The following ZRANB3 variants were observed in gnomAD, a reference collection of about 807,000 sequenced individuals.
The protein encoded by ZRANB3 is DNA annealing helicase and endonuclease ZRANB3.
ZRANB3 carries 125 observed loss-of-function variants against 133.8 expected under a neutral mutation model. The ratio of observed to expected loss-of-function variants is 0.93; its 90% CI spans 0.81 to 1.08. ZRANB3 has a LOEUF of 1.08. Ranked by LOEUF, ZRANB3 falls within the 50% of genes least tolerant of loss-of-function variation. ZRANB3 has a pLI of 0.00. For synonymous variants in ZRANB3, 387 were observed against 432.7 expected, an observed-to-expected ratio of 0.89 and a Z score of 1.31; for missense variants, 1,229 against 1,275.5, an observed-to-expected ratio of 0.96 and a Z score of 0.56.
At chr2:135,384,754 C>T (rs1686884333) in intron 3 of ZRANB3, among the ~76,000 whole-genome samples, 1 of 152,190 alleles carries the variant, frequency 6.6e-6, no homozygotes, top group Non-Finnish European at 1.5e-5. Flanking sequence ...ACATGATTAT[C>T]TCAATAGATG....
intron 6 of ZRANB3, among the ~76,000 whole-genome samples, chr2:135,334,699 T>C (rs927868972): frequency 6.6e-6 from 1 of 151,790 alleles, no homozygotes; most frequent in African/African-American, 2.4e-5. Context: ...ATCGAGACCA[T>C]CCTGGCTAAC....
At chr2:135,511,596 A>G in intron 1 of ZRANB3, 1 of 843,828 alleles carries the variant, frequency 1.2e-6, no homozygotes, top group Non-Finnish European at 2.1e-6. Flanking sequence ...CAGACCCCTC[A>G]GGAGCAAGTA....
At chr2:135,373,884 T>A (rs934900538) in intron 3 of ZRANB3, among the ~76,000 whole-genome samples, 4 of 147,016 alleles carry the variant, frequency 2.7e-5, no homozygotes, top group Admixed American at 2.1e-4. Context: ...GCAAGAAAAC[T>A]AACATTTGTT....
At chr2:135,344,573 TAA>T (rs1422885651) in intron 6 of ZRANB3, among the ~76,000 whole-genome samples, 2 of 151,874 alleles carry the variant, frequency 1.3e-5, no homozygotes, top group Admixed American at 1.3e-4. Context: ...CCATCTCTAG[TAA>T]AAATAACAAA....
At chr2:135,286,753 G>A (rs1164814879) in intron 8 of ZRANB3, among the ~76,000 whole-genome samples, 4 of 151,900 alleles carry the variant, frequency 2.6e-5, no homozygotes, top group Non-Finnish European at 5.9e-5. Flanking sequence ...CCCACTTTTT[G>A]ATGGGATTAT....
intron 2 of ZRANB3, among the ~76,000 whole-genome samples, chr2:135,407,976 G>T (rs1030586509): frequency 1.3e-5 from 2 of 151,478 alleles, no homozygotes; most frequent in African/African-American, 4.9e-5. Flanking sequence ...TGTCAAATGG[G>T]ATCTAATTAA....
At chr2:135,282,023 C>T (rs1332203117) in intron 8 of ZRANB3, among the ~76,000 whole-genome samples, 4 of 152,304 alleles carry the variant, frequency 2.6e-5, no homozygotes, top group Non-Finnish European at 2.9e-5. Context: ...TTGTAGCATA[C>T]ATCAGCACTT....
chr2:135,483,050 T>C (rs1178819696), intron 2 of ZRANB3, among the ~76,000 whole-genome samples: 6 of 152,152 alleles, frequency 3.9e-5, no homozygotes, highest in Admixed American at 3.9e-4. Flanking sequence ...TGCATCAATG[T>C]TCATCAAGGA....
At chr2:135,341,823 G>T (rs1047253392) in intron 6 of ZRANB3, among the ~76,000 whole-genome samples, 1 of 149,932 alleles carries the variant, frequency 6.7e-6, no homozygotes, top group Admixed American at 6.6e-5. Flanking sequence ...CTCCTGCAGC[G>T]CCCCCAGGCT....
intron 12 of ZRANB3, among the ~76,000 whole-genome samples, chr2:135,238,496 T>G (rs1695408015): frequency 6.6e-6 from 1 of 151,672 alleles, no homozygotes; most frequent in Non-Finnish European, 1.5e-5. Context: ...CGAAAGTAGC[T>G]GGGATTACAG....
At chr2:135,204,639 CAA>C (rs1048256026) in intron 19 of ZRANB3, among the ~76,000 whole-genome samples, 2 of 80,256 alleles carry the variant, frequency 2.5e-5, no homozygotes, top group African/African-American at 1.2e-4. Context: ...GACCCAATCT[CAA>C]AAAAAAAAAA....
At chr2:135,491,113 A>G (rs1442767276) in intron 2 of ZRANB3, among the ~76,000 whole-genome samples, 1 of 152,190 alleles carries the variant, frequency 6.6e-6, no homozygotes, top group African/African-American at 2.4e-5. Flanking sequence ...TCTATTGTAC[A>G]TTTCAAAATA....
At chr2:135,487,765 G>A (rs925735905) in intron 2 of ZRANB3, among the ~76,000 whole-genome samples, 1 of 152,158 alleles carries the variant, frequency 6.6e-6, no homozygotes, top group African/African-American at 2.4e-5. Context: ...TTTGGTATAC[G>A]GGAATGTTGT....
chr2:135,228,005 T>C lies in ZRANB3; in HGVS notation c.1965A>G (p.Ile655Met). ...TATCCTGGATATGGTTGAGGCTATC[T>C]ATTTGCATAACTATTAAAATAAAAA... ...ETPQGSAVMQ[I>M]DSLNHIQDKN... Residue 655 changes from isoleucine (I) to methionine (M), a missense_variant, in exon 14 of 21, where the codon ATA (isoleucine) becomes ATG (methionine). Ile to Met is a conservative substitution (Grantham distance 10). Transcript: ENST00000264159. 3 of 1,536,274 alleles carry C rather than the reference T, an allele frequency of 2.0e-6. No homozygotes were observed. Among genetic ancestry groups the C allele is most frequent in the Non-Finnish European group, 2.6e-6 (3 of 1,141,582 alleles).
intron 12 of ZRANB3, among the ~76,000 whole-genome samples, chr2:135,250,286 C>T (rs1048338142): frequency 5.3e-5 from 8 of 152,132 alleles, no homozygotes; most frequent in African/African-American, 1.9e-4. Flanking sequence ...TAAGAGGTGA[C>T]TTGGGTGCTG....
chr2:135,519,573 C>T lies in ZRANB3; in HGVS notation c.-8+11554G>A, dbSNP rs538507043. On this transcript the variant is annotated intron_variant, in intron 1 of 20. Coordinates refer to ENST00000264159, the MANE Select transcript of ZRANB3 (RefSeq NM_032143.4). ...TTATCACACGAATGCTCCATCTCTA[C>T]TTCAGGGCTAAATCCCACTGAAAAT... Among the ~76,000 whole-genome samples the T allele has an allele frequency of 2.6e-5, 4 of 152,304 alleles. No individual in the cohort carries two copies. The East Asian group carries it at 7.7e-4, about 29-fold the overall frequency.
intron 3 of ZRANB3, among the ~76,000 whole-genome samples, chr2:135,379,106 G>A (rs1686566023): frequency 6.6e-6 from 1 of 152,000 alleles, no homozygotes; most frequent in Non-Finnish European, 1.5e-5. Flanking sequence ...TCAATAATAG[G>A]GGAAACTGGG....
At chr2:135,526,861 G>C (rs190201112) in intron 1 of ZRANB3, among the ~76,000 whole-genome samples, 106 of 152,160 alleles carry the variant, frequency 7.0e-4, no homozygotes, top group Non-Finnish European at 6.3e-4. Flanking sequence ...ATAAAACTTG[G>C]TCTCCACAAT....
Position 135,345,571 on chromosome 2 carries a change from C to CT in ZRANB3, c.655dup (p.Arg219LysfsTer4). The CT allele has an allele frequency of 6.2e-7, 1 of 1,612,510 alleles. No homozygotes were observed. The highest frequency in any genetic ancestry group is 1.1e-5 in the South Asian group (1 of 90,760). On this transcript the variant is annotated frameshift_variant, in exon 6 of 21. Transcript: ENST00000264159. LOFTEE classifies it high-confidence loss of function. Reference sequence around the variant, plus strand: ...TTACCTGATGTGTGCATTACAGTATCTTTTTGCATAGTCGGTCCATCTTCC... The same window carrying CT: ...TTACCTGATGTGTGCATTACAGTATCTTTTTTGCATAGTCGGTCCATCTTCC...
Sources: gnomAD v4.1 joint callset for allele counts (sites outside exome capture counted in the v4.1 genomes callset) on GRCh38, gnomAD v4.1.1 for gene constraint, MANE v1.5 for transcripts, NCBI Gene and HGNC (gene_info 2026-07-23, HGNC 2026-07-21) for gene names.